Variants in COPA observed in about 807,000 individuals in gnomAD.
COPA encodes the protein coatomer subunit alpha.
In COPA, 10 loss-of-function variants were observed where a neutral mutation model predicts 158.7. The observed-to-expected ratio is 0.06, with a 90% CI of 0.04 to 0.11. COPA has a LOEUF of 0.11. Ranked by LOEUF, COPA falls within the 10% of genes least tolerant of loss-of-function variation. The probability of loss-of-function intolerance (pLI) is 1.00; values close to 1 mark genes in which losing one functional copy is unlikely to be tolerated. For missense variants in COPA, 1,065 were observed against 1,536.7 expected, an observed-to-expected ratio of 0.69 and a Z score of 5.13; for synonymous variants, 462 against 542.8, an observed-to-expected ratio of 0.85 and a Z score of 2.07.
At chr1:160,311,403 G>A (rs949434254) in intron 11 of COPA, among the ~76,000 whole-genome samples, 7 of 148,784 alleles carry the variant, frequency 4.7e-5, no homozygotes, top group African/African-American at 1.5e-4. Flanking sequence ...GCATCACTGC[G>A]CTCCAGCCTG....
At chr1:160,328,595 G>A (rs1348919147) in intron 6 of COPA, among the ~76,000 whole-genome samples, 1 of 152,186 alleles carries the variant, frequency 6.6e-6, no homozygotes, top group Non-Finnish European at 1.5e-5. Flanking sequence ...AGAGAGGGAT[G>A]ATAACAGGAT....
In COPA at chr1:160,292,020, T is replaced by C. The variant is rs1658254532; in HGVS notation, c.3139A>G (p.Ile1047Val). The C allele has an allele frequency of 6.2e-7, 1 of 1,614,034 alleles. No homozygotes were observed. The highest frequency in any genetic ancestry group is 1.1e-5 in the South Asian group (1 of 91,090). The change falls in exon 29 of 33, where the codon ATT becomes GTT. Residue 1047 changes from isoleucine (I) to valine (V), a missense_variant. By Grantham distance (29) the Ile-to-Val change is conservative. Coordinates refer to ENST00000241704, the MANE Select transcript of COPA (RefSeq NM_004371.4). ...PLLVVDNKQE[I>V]AEAQQLITIC... is the part of the protein sequence containing the mutation. The stretch of plus-strand genomic sequence containing the variant: ...CGGCTAGACCCTCCTACCTCTGCAA[T>C]CTCTTGTTTATTGTCCACAACAAGA...
At chr1:160,298,129 C>T (rs1004049655) in intron 19 of COPA, among the ~76,000 whole-genome samples, 3 of 150,816 alleles carry the variant, frequency 2.0e-5, no homozygotes, top group Admixed American at 6.6e-5. Flanking sequence ...TGCAGTGAGC[C>T]GAGATCATGC....
rs189765395 is a variant in COPA at position 160,343,248 on chromosome 1, G to A, written c.-78C>T. ...GCCCTTCGGACGCCTCCACGTCAGC[G>A]ACCCTCTCCCGCGGTTTCCGGAAGC... is the stretch of plus-strand genomic sequence containing the variant. On this transcript the variant is annotated 5_prime_UTR_variant, in exon 1 of 33. Transcript: ENST00000241704. 6 of 1,597,254 alleles carry A rather than the reference G, an allele frequency of 3.8e-6. No homozygotes were observed. Among genetic ancestry groups the A allele is most frequent in the East Asian group, 2.2e-5 (1 of 44,786 alleles).
intron 13 of COPA, chr1:160,308,847 G>A (rs993295635): frequency 2.3e-6 from 1 of 436,726 alleles, no homozygotes; most frequent in South Asian, 3.5e-5. Flanking sequence ...AACATGCTGT[G>A]CTGAAAGAGA....
At chr1:160,327,733 C>T (rs925416901) in intron 6 of COPA, among the ~76,000 whole-genome samples, 2 of 152,026 alleles carry the variant, frequency 1.3e-5, no homozygotes, top group Non-Finnish European at 1.5e-5. Flanking sequence ...TGGTGCATGC[C>T]TGTAATCCCA....
chr1:160,316,785 G>A lies in COPA; in HGVS notation c.707-2660C>T, dbSNP rs142984953. ...AAAAAAGAATGATTGGTTTTCAAGA[G>A]GGAGCTAAGCAAGAGCAAGCGTAGA... On this transcript the variant is annotated intron_variant, in intron 8 of 32. Transcript: ENST00000241704. Among the ~76,000 whole-genome samples, 617 of 151,694 alleles carry A rather than the reference G, an allele frequency of 4.1e-3. 6 individuals carry two copies. The highest frequency in any genetic ancestry group is 0.014 in the African/African-American group (589 of 41,404).
At chr1:160,315,877 G>T (rs967969459) in intron 8 of COPA, among the ~76,000 whole-genome samples, 5 of 152,192 alleles carry the variant, frequency 3.3e-5, no homozygotes, top group African/African-American at 1.2e-4. Flanking sequence ...CCAAGAGATG[G>T]CTGAAAAACA....
chr1:160,292,554 C>T lies in COPA; in HGVS notation c.2890G>A (p.Ala964Thr), dbSNP rs781560092. ...PYKQLFLQTY[A>T]RGRTTYQALP... is the part of the protein sequence containing the mutation. Reference sequence around the variant, plus strand: ...GCCTGATAGGTTGTGCGGCCTCGGGCGTATGTCTGTAGGAACAGTTGCTTG... The same window carrying T: ...GCCTGATAGGTTGTGCGGCCTCGGGTGTATGTCTGTAGGAACAGTTGCTTG... The change falls in exon 28 of 33, where the codon GCC becomes ACC. Residue 964 changes from alanine (A) to threonine (T), a missense_variant. Physicochemically the swap from Ala to Thr is moderately conservative, Grantham distance 58. This residue lies in a region of COPA where 980 missense variants were observed against 1,357.8 expected (regional missense o/e 0.72). Coordinates refer to ENST00000241704, the MANE Select transcript of COPA (RefSeq NM_004371.4). 10 of 1,613,824 alleles carry T rather than the reference C, an allele frequency of 6.2e-6. No homozygotes were observed. The highest frequency in any genetic ancestry group is 5.3e-5 in the African/African-American group (4 of 74,878).
At chr1:160,337,485 C>T (rs1206733837) in intron 3 of COPA, among the ~76,000 whole-genome samples, 1 of 152,134 alleles carries the variant, frequency 6.6e-6, no homozygotes, top group East Asian at 1.9e-4. Flanking sequence ...TTTGGGAGGC[C>T]GAGGCAGGAA....
intron 17 of COPA, among the ~76,000 whole-genome samples, chr1:160,304,593 G>C (rs1305342524): frequency 6.6e-6 from 1 of 152,034 alleles, no homozygotes; most frequent in Non-Finnish European, 1.5e-5. Context: ...GAACCCAGGA[G>C]GCGGAGGTTG....
intron 6 of COPA, among the ~76,000 whole-genome samples, chr1:160,328,534 T>C (rs984737541): frequency 2.0e-5 from 3 of 152,178 alleles, no homozygotes; most frequent in African/African-American, 4.8e-5. Flanking sequence ...ACTCTCAGAA[T>C]GGACCAGTTT....
intron 1 of COPA, 125 bp from the exon 2 acceptor site, chr1:160,340,419 AT>A: frequency 3.2e-6 from 2 of 634,366 alleles, no homozygotes; most frequent in Non-Finnish European, 5.5e-6. Flanking sequence ...ATGCTTGATG[AT>A]TTTTTACTGG....
chr1:160,312,158 A>G (rs894140356), intron 10 of COPA, 140 bp from the exon 11 acceptor site: 2 of 757,390 alleles, frequency 2.6e-6, no homozygotes, highest in Non-Finnish European at 4.2e-6. Flanking sequence ...AATTCTCACA[A>G]TTCTTGGAAT....
Position 160,327,610 on chromosome 1 carries a change from C to A in COPA, c.497-1958G>T, listed in dbSNP as rs530441435. 7.6e-4 allele frequency among the ~76,000 whole-genome samples: 115 copies of A among 152,074 alleles called. 1 individual carries two copies. The highest frequency in any genetic ancestry group is 5.0e-3 in the South Asian group (24 of 4,806). On this transcript the variant is annotated intron_variant, in intron 6 of 32. Coordinates refer to ENST00000241704, the MANE Select transcript of COPA (RefSeq NM_004371.4). ...CGGTGGCTCACACCTGTAATCCCAG[C>A]ACTTTGGGAGGCCAAGGCAGGTGGA... is the stretch of plus-strand genomic sequence containing the variant.
chr1:160,291,956 A>C lies in COPA; in HGVS notation c.3148-27T>G, dbSNP rs74125571. On this transcript the variant is annotated intron_variant, in intron 29 of 32. Transcript: ENST00000241704. ...TGTAGAGGGGGCAGAAGGTCAGGAT[A>C]CAGAGACAAGAATGTGGAAGTGCCC... The C allele has an allele frequency of 2.3e-3, 3,737 of 1,614,138 alleles. 72 individuals are homozygous for C. In the African/African-American group the frequency reaches 0.041, roughly 18 times the overall value.
At chr1:160,310,357 C>G (rs1270112818) in intron 11 of COPA, 99 bp from the exon 12 acceptor site, 1 of 573,354 alleles carries the variant, frequency 1.7e-6, no homozygotes, top group African/African-American at 1.9e-5. Flanking sequence ...CCAATCTTTA[C>G]ACTATATACT....
intron 3 of COPA, among the ~76,000 whole-genome samples, chr1:160,337,523 C>T (rs1302397090): frequency 6.6e-6 from 1 of 152,176 alleles, no homozygotes; most frequent in Non-Finnish European, 1.5e-5. Flanking sequence ...AGTTCAAGAC[C>T]AGCCTGACCA....
At chr1:160,297,875 T>C in intron 19 of COPA, 130 bp from the exon 20 acceptor site, 1 of 1,025,814 alleles carries the variant, frequency 9.7e-7, no homozygotes, top group Non-Finnish European at 1.4e-6. Context: ...CTCCTAGCTT[T>C]TAGTCTAATT....
Sources: allele counts gnomAD v4.1 joint callset (sites outside exome capture counted in the v4.1 genomes callset), GRCh38; gene constraint gnomAD v4.1.1; regional missense constraint gnomAD v4.1.1; transcripts MANE v1.5; gene names NCBI Gene and HGNC (gene_info 2026-07-23, HGNC 2026-07-21).